The following PARD3B variants were observed in gnomAD, a reference collection of about 807,000 sequenced individuals.
The protein encoded by PARD3B is partitioning defective 3 homolog B.
In PARD3B, 103 loss-of-function variants were observed where a neutral mutation model predicts 130.2. That is an observed-to-expected ratio of 0.79 (90% CI 0.67 to 0.93). The LOEUF (loss-of-function observed/expected upper bound fraction) is 0.93, where lower values mean the gene tolerates loss of function less well. Among genes scored for constraint, PARD3B ranks in the 40% least tolerant of loss-of-function variants. PARD3B has a pLI of 0.00. For synonymous variants in PARD3B, 583 were observed against 553.2 expected (o/e 1.05, Z -0.76); for missense variants, 1,609 against 1,499.2 (o/e 1.07, Z -1.21).
chr2:204,855,684 A>G (rs983033828), intron 2 of PARD3B, among the ~76,000 whole-genome samples: 1 of 151,976 alleles, frequency 6.6e-6, no homozygotes, highest in African/African-American at 2.4e-5. Flanking sequence ...CCTTTGATCA[A>G]CATTTCCCTT....
rs2054371916 is a variant in PARD3B, at chr2:205,591,151, C to A, written c.3261-24305C>A. 6.6e-6 allele frequency among the ~76,000 whole-genome samples: 1 copy of A among 151,998 alleles called. No individual in the cohort carries two copies. The highest frequency in any genetic ancestry group is 1.5e-5 in the Non-Finnish European group (1 of 68,018). On this transcript the variant is annotated intron_variant, in intron 22 of 22. Coordinates refer to ENST00000406610, the MANE Select transcript of PARD3B (RefSeq NM_001302769.2). This position sits in a 1 kb window ranked among gnomAD's most constrained non-coding sequence, Gnocchi z 4.2. Reference sequence around the variant, plus strand: ...GAGAGGTGACATCAATGTAGACCCACCAAGGAGTAGCAGTTAGACATCTAG... The same window carrying A: ...GAGAGGTGACATCAATGTAGACCCAACAAGGAGTAGCAGTTAGACATCTAG...
intron 16 of PARD3B, among the ~76,000 whole-genome samples, chr2:205,283,616 C>T (rs1056688728): frequency 6.6e-6 from 1 of 152,158 alleles, no homozygotes; most frequent in African/African-American, 2.4e-5. Flanking sequence ...GACCTGAACA[C>T]TTTCATTACC....
intron 10 of PARD3B, among the ~76,000 whole-genome samples, chr2:205,145,502 A>G (rs1369233021): frequency 2.6e-5 from 4 of 152,228 alleles, no homozygotes; most frequent in African/African-American, 4.8e-5. Flanking sequence ...TTTAATACTA[A>G]TTGTGAAATA....
chr2:205,613,736 A>G (rs2055320156), intron 22 of PARD3B, among the ~76,000 whole-genome samples: 2 of 152,214 alleles, frequency 1.3e-5, no homozygotes, highest in Non-Finnish European at 2.9e-5. Flanking sequence ...TAAGACAAAA[A>G]AGTAGAGAGA....
chr2:205,052,804 G>T (rs1699319862), intron 4 of PARD3B, among the ~76,000 whole-genome samples: 1 of 152,030 alleles, frequency 6.6e-6, no homozygotes, highest in Non-Finnish European at 1.5e-5. Context: ...GTAAGTTCAA[G>T]ATTTTAAGAG....
intron 1 of PARD3B, among the ~76,000 whole-genome samples, chr2:204,611,684 A>G (rs926136012): frequency 2.0e-5 from 3 of 152,172 alleles, no homozygotes; most frequent in Non-Finnish European, 2.9e-5. Flanking sequence ...GCAGTCCCAT[A>G]TTCTTAATGT....
intron 18 of PARD3B, among the ~76,000 whole-genome samples, chr2:205,313,145 A>G (rs2042448515): frequency 6.6e-6 from 1 of 152,194 alleles, no homozygotes. Context: ...TGATAACTAA[A>G]AAGTTAAGTA....
At chr2:204,917,130 A>G (rs1162951904) in intron 2 of PARD3B, among the ~76,000 whole-genome samples, 1 of 152,230 alleles carries the variant, frequency 6.6e-6, no homozygotes, top group Non-Finnish European at 1.5e-5. Flanking sequence ...AATTTAAAAT[A>G]ATCATCAGGG....
intron 2 of PARD3B, among the ~76,000 whole-genome samples, chr2:204,722,840 A>AT (rs1483372289): frequency 2.0e-5 from 3 of 151,984 alleles, no homozygotes; most frequent in Non-Finnish European, 4.4e-5. Flanking sequence ...TTGAAAAGGG[A>AT]TGAAGGCTAT....
At chr2:205,513,700 T>C (rs1264375024) in intron 21 of PARD3B, among the ~76,000 whole-genome samples, 2 of 152,100 alleles carry the variant, frequency 1.3e-5, no homozygotes, top group Non-Finnish European at 2.9e-5. Flanking sequence ...TGGTAGACCT[T>C]TACTCAGTGG....
At position 205,584,372 on chromosome 2, in the gene PARD3B, G is replaced by C. The variant is rs900937497; in HGVS notation, c.3260+30969G>C. ...GTTTTACTTTTGAATGTGGATACAA[G>C]AAAGTTTTAAATTATGTATGCGAGG... On this transcript the variant is annotated intron_variant, in intron 22 of 22. Coordinates refer to ENST00000406610, the MANE Select transcript of PARD3B (RefSeq NM_001302769.2). The surrounding 1 kb of genome is among the most constrained non-coding windows in gnomAD (Gnocchi z 5.5). 2.0e-5 allele frequency among the ~76,000 whole-genome samples: 3 copies of C among 152,112 alleles called. No individual in the cohort carries two copies. Among genetic ancestry groups the C allele is most frequent in the Non-Finnish European group, 2.9e-5 (2 of 68,024 alleles).
chr2:204,614,255 C>T (rs548836055), intron 1 of PARD3B, among the ~76,000 whole-genome samples: 9 of 152,194 alleles, frequency 5.9e-5, no homozygotes, highest in African/African-American at 1.9e-4. Context: ...GCTGATATTT[C>T]CCAATAAATC....
Position 205,269,740 on chromosome 2 carries a change from A to C in PARD3B, c.2185+23918A>C, listed in dbSNP as rs910055619. 1.3e-5 allele frequency among the ~76,000 whole-genome samples: 2 copies of C among 152,210 alleles called. No homozygotes were observed. Among genetic ancestry groups the C allele is most frequent in the African/African-American group, 2.4e-5 (1 of 41,458 alleles). On this transcript the variant is annotated intron_variant, in intron 16 of 22. Transcript: ENST00000406610. This position sits in a 1 kb window ranked among gnomAD's most constrained non-coding sequence, Gnocchi z 4.7. ...CAAAAACAAAAATTAAGATCTGAAG[A>C]GTACTTACCAAGTTGAGCAAGCAAG...
At chr2:205,361,717 T>C (rs4673326) in intron 18 of PARD3B, among the ~76,000 whole-genome samples, 90,792 of 152,008 alleles carry the variant, frequency 0.6, 30,541 homozygotes, top group South Asian at 0.77. Flanking sequence ...TAGGAAGCAA[T>C]TTCCATTTTG....
At chr2:205,534,947 A>T (rs1369671442) in intron 21 of PARD3B, among the ~76,000 whole-genome samples, 2 of 152,186 alleles carry the variant, frequency 1.3e-5, no homozygotes. Context: ...ATTTCATTCC[A>T]GACTGCCAAA....
chr2:204,989,050 G>T (rs1217004223), intron 3 of PARD3B, among the ~76,000 whole-genome samples: 2 of 152,172 alleles, frequency 1.3e-5, no homozygotes, highest in Non-Finnish European at 2.9e-5. Context: ...CTGTCACCAA[G>T]TGTACTGCCT....
At chr2:204,928,501 G>A (rs1201250074) in intron 2 of PARD3B, among the ~76,000 whole-genome samples, 2 of 152,092 alleles carry the variant, frequency 1.3e-5, no homozygotes, top group South Asian at 2.1e-4. Flanking sequence ...ACATATAAAC[G>A]TGTATGCCTA....
chr2:205,251,654 A>G (rs1205930754), intron 16 of PARD3B, among the ~76,000 whole-genome samples: 1 of 152,204 alleles, frequency 6.6e-6, no homozygotes, highest in East Asian at 1.9e-4. Flanking sequence ...ATGTGCATTT[A>G]CACTTTGGAA....
At chr2:205,487,730 G>T (rs1202342318) in intron 20 of PARD3B, among the ~76,000 whole-genome samples, 3 of 152,178 alleles carry the variant, frequency 2.0e-5, no homozygotes, top group Non-Finnish European at 4.4e-5. Flanking sequence ...GCCCACAAAG[G>T]CTTATTTTTC....
Sources: gnomAD v4.1 joint callset for allele counts (sites outside exome capture counted in the v4.1 genomes callset) on GRCh38, gnomAD v4.1.1 for gene constraint, Gnocchi (gnomAD v3.1) non-coding constraint, MANE v1.5 for transcripts, NCBI Gene and HGNC (gene_info 2026-07-23, HGNC 2026-07-21) for gene names.